AP1AR: variants seen among roughly 807,000 people sequenced by gnomAD.
AP1AR encodes the protein AP-1 complex-associated regulatory protein.
Under a neutral mutation model 46.3 loss-of-function variants are expected in AP1AR, and 29 were observed. That is an observed-to-expected ratio of 0.63 (90% CI 0.47 to 0.85). The LOEUF (loss-of-function observed/expected upper bound fraction) is 0.85. Among genes scored for constraint, AP1AR ranks in the 40% least tolerant of loss-of-function variants. The pLI is 0.00. For synonymous variants in AP1AR, 122 were observed against 122.9 expected (o/e 0.99, Z 0.05); for missense variants, 357 against 356.3 (o/e 1.00, Z -0.02).
chr4:112,231,792 C>G lies in AP1AR; in HGVS notation c.-300C>G. On this transcript the variant is annotated 5_prime_UTR_variant, in exon 1 of 10. Transcript: ENST00000274000. ...TTCGGCAGCTGGAGGCGGTCACTCA[C>G]GCTGGGCTAGGAGCTGAGGCGAGAA... 3.4e-6 allele frequency: 1 copy of G among 293,196 alleles called. No individual in the cohort carries two copies. Among genetic ancestry groups the G allele is most frequent in the Non-Finnish European group, 6.3e-6 (1 of 159,702 alleles). The allele number at this position is 293,196 out of a possible 1,614,324, so 18.2% of individuals were successfully genotyped here. A position where few individuals can be genotyped will look rare whatever the true frequency, so the allele number is the denominator to read the frequency against.
rs924490158 is a variant in AP1AR, at chr4:112,272,459, G to A, written c.*4050G>A. On this transcript the variant is annotated 3_prime_UTR_variant, in exon 10 of 10. Coordinates refer to ENST00000274000, the MANE Select transcript of AP1AR (RefSeq NM_018569.6). Reference sequence around the variant, plus strand: ...ACCTTCCCATGGGGCTTGGCCGGGAGTGCTAGCCCAGTAAGGGAAAATTGC... The same window carrying A: ...ACCTTCCCATGGGGCTTGGCCGGGAATGCTAGCCCAGTAAGGGAAAATTGC... Among the ~76,000 whole-genome samples the A allele has an allele frequency of 1.3e-5, 2 of 152,166 alleles. No individual in the cohort carries two copies. Among genetic ancestry groups the A allele is most frequent in the Non-Finnish European group, 2.9e-5 (2 of 68,030 alleles).
At position 112,269,607 on chromosome 4, in the gene AP1AR, G is replaced by A. The variant is rs1315680272; in HGVS notation, c.*1198G>A. 6.6e-6 allele frequency: 1 copy of A among 151,680 alleles called. No homozygotes were observed. The highest frequency in any genetic ancestry group is 1.5e-5 in the Non-Finnish European group (1 of 67,754). 9.4% of individuals were successfully genotyped at this position (151,680 alleles called of 1,614,324 possible). A position where few individuals can be genotyped will look rare whatever the true frequency, so the allele number is the denominator to read the frequency against. The stretch of plus-strand genomic sequence containing the variant: ...TCCTCTTGCAACAATGACGGTGCAT[G>A]TTCTTATAAATATAGGAAGGTCCAG... On this transcript the variant is annotated 3_prime_UTR_variant, in exon 10 of 10. Transcript: ENST00000274000.
At chr4:112,237,530 T>G (rs544645862) in intron 1 of AP1AR, among the ~76,000 whole-genome samples, 1 of 152,242 alleles carries the variant, frequency 6.6e-6, no homozygotes, top group South Asian at 2.1e-4. Flanking sequence ...TGATCTAGGC[T>G]TATTAAAACC....
rs760521490 is a variant in AP1AR at position 112,266,650 on chromosome 4, A to G, written c.577A>G (p.Lys193Glu). ...NTESSCDLMT[K>E]TKSTSGNDDS... Reference sequence around the variant, plus strand: ...AGAAAGCAGTTGTGATTTAATGACCAAAACTAAATCAACTAGTGGAAATGA... The same window carrying G: ...AGAAAGCAGTTGTGATTTAATGACCGAAACTAAATCAACTAGTGGAAATGA... The change falls in exon 9 of 10, where the codon AAA (lysine) becomes GAA (glutamate). Residue 193 changes from lysine (K) to glutamate (E), a missense_variant. Physicochemically the swap from Lys to Glu is moderately conservative, Grantham distance 56. Around this residue, in one of 2 missense-constraint regions of AP1AR, gnomAD observed 269 missense variants for 223.6 expected, o/e 1.20. Transcript: ENST00000274000. 6.8e-6 allele frequency: 11 copies of G among 1,610,974 alleles called. No homozygotes were observed. Among genetic ancestry groups the G allele is most frequent in the Non-Finnish European group, 1.7e-6 (2 of 1,177,790 alleles).
intron 1 of AP1AR, among the ~76,000 whole-genome samples, chr4:112,234,604 T>C (rs1725161125): frequency 6.6e-6 from 1 of 152,204 alleles, no homozygotes; most frequent in African/African-American, 2.4e-5. Flanking sequence ...CCAGTAAGCA[T>C]GTAGAGACAG....
intron 1 of AP1AR, among the ~76,000 whole-genome samples, chr4:112,244,171 AT>A (rs561000433): frequency 1.5e-3 from 233 of 152,298 alleles, no homozygotes; most frequent in African/African-American, 5.5e-3. Flanking sequence ...GGGCAATACC[AT>A]TTTCATGGGT....
intron 8 of AP1AR, 116 bp from the exon 9 acceptor site, chr4:112,266,472 T>C: frequency 4.9e-6 from 5 of 1,013,124 alleles, no homozygotes; most frequent in Non-Finnish European, 7.1e-6. Flanking sequence ...TTATTTCTTA[T>C]GAAGCTAAAA....
At chr4:112,239,460 C>A (rs2110467418) in intron 1 of AP1AR, among the ~76,000 whole-genome samples, 1 of 152,272 alleles carries the variant, frequency 6.6e-6, no homozygotes, top group East Asian at 1.9e-4. Context: ...TGGAGTCCTT[C>A]AAAACTTCTG....
In AP1AR at chr4:112,270,743, A is replaced by G. The variant is rs1726915178; in HGVS notation, c.*2334A>G. Among the ~76,000 whole-genome samples the G allele has an allele frequency of 6.6e-6, 1 of 152,192 alleles. No individual in the cohort carries two copies. Among genetic ancestry groups the G allele is most frequent in the African/African-American group, 2.4e-5 (1 of 41,462 alleles). ...ATCATGAGTGAGGGGGAAGAGTGGT[A>G]TGAGATGATACTGGAGTGGTAGTTA... On this transcript the variant is annotated 3_prime_UTR_variant, in exon 10 of 10. Transcript: ENST00000274000.
In AP1AR at chr4:112,232,282, C is replaced by T. The variant is rs1318658228; in HGVS notation, c.83+108C>T. ...GCGGCTGGAGGTGGCGGTCGAGAGC[C>T]CTGCTACACTCACTGCTTAGCAGAC... On this transcript the variant is annotated intron_variant, in intron 1 of 9. Transcript: ENST00000274000. 3 of 946,390 alleles carry T rather than the reference C, an allele frequency of 3.2e-6. No individual in the cohort carries two copies. The African/African-American group carries it at 5.1e-5, about 16-fold the overall frequency. 58.6% of individuals were successfully genotyped at this position (946,390 alleles called of 1,614,324 possible). A position where few individuals can be genotyped will look rare whatever the true frequency, so the allele number is the denominator to read the frequency against.
At chr4:112,252,779 A>G (rs1043102139) in intron 1 of AP1AR, among the ~76,000 whole-genome samples, 8 of 152,222 alleles carry the variant, frequency 5.3e-5, no homozygotes, top group African/African-American at 1.4e-4. Context: ...GCATATTGAC[A>G]TATATACTTT....
chr4:112,233,004 T>C (rs1456946354), intron 1 of AP1AR, among the ~76,000 whole-genome samples: 6 of 152,154 alleles, frequency 3.9e-5, no homozygotes, highest in African/African-American at 1.4e-4. Context: ...GCAAATTCCT[T>C]TGGGGTTGGC....
Position 112,265,010 on chromosome 4 carries a change from A to C in AP1AR, c.383A>C (p.Gln128Pro). 6.2e-7 allele frequency: 1 copy of C among 1,600,520 alleles called. No homozygotes were observed. The highest frequency in any genetic ancestry group is 8.5e-7 in the Non-Finnish European group (1 of 1,175,256). ...TTTTATTACATTATGTTTCCAAAGC[A>C]AGAAAGGCAGAGAATTGTGCAGCAA... ...RAAKQRKLLE[Q>P]ERQRIVQQYH... is the part of the protein sequence containing the mutation. Residue 128 changes from glutamine (Q) to proline (P), a missense_variant and splice_region_variant, in exon 7 of 10, where the codon CAA becomes CCA. Around this residue, in one of 2 missense-constraint regions of AP1AR, gnomAD observed 269 missense variants for 223.6 expected, o/e 1.20. Coordinates refer to ENST00000274000, the MANE Select transcript of AP1AR (RefSeq NM_018569.6).
chr4:112,259,476 T>C (rs1726348129), intron 4 of AP1AR, among the ~76,000 whole-genome samples: 1 of 152,210 alleles, frequency 6.6e-6, no homozygotes, highest in African/African-American at 2.4e-5. Context: ...AATTTGCTAA[T>C]ATATGTGAAG....
In AP1AR at chr4:112,269,871, A is replaced by G. The variant is rs1726879567; in HGVS notation, c.*1462A>G. 1 of 152,534 alleles carries G rather than the reference A, an allele frequency of 6.6e-6. No homozygotes were observed. Among genetic ancestry groups the G allele is most frequent in the Non-Finnish European group, 1.5e-5 (1 of 67,976 alleles). The allele number at this position is 152,534 out of a possible 1,614,324, so 9.4% of individuals were successfully genotyped here. A position where few individuals can be genotyped will look rare whatever the true frequency, so the allele number is the denominator to read the frequency against. Reference sequence around the variant, plus strand: ...TGGAAATATTTTTAAGGTAATCTATATTCACATTGCCTGTGTTAATGCTTT... The same window carrying G: ...TGGAAATATTTTTAAGGTAATCTATGTTCACATTGCCTGTGTTAATGCTTT... On this transcript the variant is annotated 3_prime_UTR_variant, in exon 10 of 10. Coordinates refer to ENST00000274000, the MANE Select transcript of AP1AR (RefSeq NM_018569.6).
chr4:112,232,223 G>T, intron 1 of AP1AR, 49 bp downstream of exon 1: 1 of 1,254,382 alleles, frequency 8.0e-7, no homozygotes, highest in Non-Finnish European at 1.0e-6. Context: ...CTCCTCTTCG[G>T]CCCCCGGCGG....
rs1578413042 is a variant in AP1AR, at chr4:112,253,237, G to T, written c.113G>T (p.Gly38Val). 6.2e-7 allele frequency: 1 copy of T among 1,611,070 alleles called. No individual in the cohort carries two copies. Among genetic ancestry groups the T allele is most frequent in the Admixed American group, 1.7e-5 (1 of 59,300 alleles). Reference protein sequence around the residue: ...GSKYFRTCSRGEHLTIEFENL... With the variant: ...GSKYFRTCSRVEHLTIEFENL... ...AAGTATTTTAGAACATGCTCAAGAG[G>T]TGAGCACTTAACAATAGAGGTAAGT... Residue 38 changes from glycine to valine, a missense_variant, in exon 2 of 10, where the codon GGT becomes GTT. Gly to Val is a moderately radical substitution (Grantham distance 109). Around this residue, in one of 2 missense-constraint regions of AP1AR, gnomAD observed 269 missense variants for 223.6 expected, o/e 1.20. Coordinates refer to ENST00000274000, the MANE Select transcript of AP1AR (RefSeq NM_018569.6).
intron 1 of AP1AR, among the ~76,000 whole-genome samples, chr4:112,251,982 A>C (rs558070257): frequency 6.6e-6 from 1 of 152,308 alleles, no homozygotes; most frequent in African/African-American, 2.4e-5. Flanking sequence ...ACACACATAC[A>C]CATAATACAA....
chr4:112,268,002 G>A, intron 9 of AP1AR, 142 bp from the exon 10 acceptor site: 3 of 709,106 alleles, frequency 4.2e-6, no homozygotes, highest in Non-Finnish European at 6.2e-6. Context: ...CCTTAAGAAG[G>A]CCTCCATGGG....
Sources: allele counts gnomAD v4.1 joint callset (sites outside exome capture counted in the v4.1 genomes callset), GRCh38; gene constraint gnomAD v4.1.1; regional missense constraint gnomAD v4.1.1; transcripts MANE v1.5; gene names NCBI Gene and HGNC (gene_info 2026-07-23, HGNC 2026-07-21).